Variants in PRDM16 observed in about 807,000 individuals in gnomAD.
The protein encoded by PRDM16 is PR/SET domain 16.
PRDM16 carries 23 observed loss-of-function variants against 110.6 expected under a neutral mutation model. The ratio of observed to expected loss-of-function variants is 0.21; its 90% confidence interval spans 0.15 to 0.29. PRDM16 has a LOEUF of 0.29. Among genes scored for constraint, PRDM16 ranks in the 10% least tolerant of loss-of-function variants. The probability of loss-of-function intolerance (pLI) is 1.00; values close to 1 mark genes in which losing one functional copy is unlikely to be tolerated. For synonymous variants in PRDM16, 799 were observed against 781.8 expected (o/e 1.02, Z -0.37); for missense variants, 1,615 against 1,794.3 (o/e 0.90, Z 1.81).
At chr1:3,380,998 A>T (rs1025294026) in intron 3 of PRDM16, among the ~76,000 whole-genome samples, 4 of 152,166 alleles carry the variant, frequency 2.6e-5, no homozygotes, top group African/African-American at 9.7e-5. Context: ...GTGAGGTTGG[A>T]TGGAAGGGGC....
chr1:3,180,024 C>G (rs942921133), intron 1 of PRDM16, among the ~76,000 whole-genome samples: 5 of 152,052 alleles, frequency 3.3e-5, no homozygotes, highest in Non-Finnish European at 7.4e-5. Context: ...ACTTTCCTGT[C>G]CCTTCCGTCT....
intron 1 of PRDM16, among the ~76,000 whole-genome samples, chr1:3,154,646 G>C (rs1176999129): frequency 6.6e-6 from 1 of 152,070 alleles, no homozygotes; most frequent in African/African-American, 2.4e-5. Flanking sequence ...CCAGCTTCAC[G>C]CAGTCGGCCG....
chr1:3,250,951 G>A (rs1336215003), intron 3 of PRDM16, among the ~76,000 whole-genome samples: 1 of 152,232 alleles, frequency 6.6e-6, no homozygotes, highest in African/African-American at 2.4e-5. Flanking sequence ...CCATCTCGGG[G>A]TCCCTGGCTC....
intron 3 of PRDM16, among the ~76,000 whole-genome samples, chr1:3,343,763 C>G (rs1642313940): frequency 6.6e-6 from 1 of 152,086 alleles, no homozygotes; most frequent in Admixed American, 6.5e-5. Context: ...GCCTCAGCCT[C>G]CCAAGTAGCT....
intron 1 of PRDM16, among the ~76,000 whole-genome samples, chr1:3,092,488 A>C (rs1642300637): frequency 1.5e-5 from 2 of 131,876 alleles, no homozygotes. Context: ...GACCATGGAC[A>C]TGCTGGGAGC....
chr1:3,192,805 C>G (rs1638346907), intron 2 of PRDM16, among the ~76,000 whole-genome samples: 2 of 152,210 alleles, frequency 1.3e-5, no homozygotes, highest in South Asian at 4.1e-4. Context: ...CAGAGACAGA[C>G]ACACCCGGCT....
intron 2 of PRDM16, among the ~76,000 whole-genome samples, chr1:3,238,924 TAC>T (rs891512907): frequency 3.9e-5 from 6 of 152,236 alleles, no homozygotes; most frequent in African/African-American, 1.4e-4. Flanking sequence ...GTTTCCCGTC[TAC>T]ACAGCAGGGG....
chr1:3,420,135 T>C (rs1288405989), intron 12 of PRDM16, among the ~76,000 whole-genome samples: 1 of 152,202 alleles, frequency 6.6e-6, no homozygotes, highest in East Asian at 1.9e-4. Context: ...TTTCTTTTGC[T>C]CTCTCCAATC....
At chr1:3,217,559 G>C (rs373543301) in intron 2 of PRDM16, among the ~76,000 whole-genome samples, 9 of 152,168 alleles carry the variant, frequency 5.9e-5, no homozygotes, top group Non-Finnish European at 1.3e-4. Context: ...GGCCTCTGTC[G>C]AGCTTGGCAG....
intron 2 of PRDM16, among the ~76,000 whole-genome samples, chr1:3,227,300 T>C (rs977351455): frequency 4.6e-5 from 7 of 152,230 alleles, no homozygotes; most frequent in African/African-American, 9.6e-5. Context: ...GTTATTTCTA[T>C]TATTTATGAA....
Position 3,386,503 on chromosome 1 carries a change from G to A in PRDM16, c.573+1217G>A, listed in dbSNP as rs866564305. On this transcript the variant is annotated intron_variant, in intron 4 of 16. Transcript: ENST00000270722. Reference sequence around the variant, plus strand: ...AGCAGTTGCTCCGCTGGACAAGCTCGTTCTGGATGGGGACATGAATCTACG... The same window carrying A: ...AGCAGTTGCTCCGCTGGACAAGCTCATTCTGGATGGGGACATGAATCTACG... Among the ~76,000 whole-genome samples the A allele has an allele frequency of 3.0e-4, 45 of 152,332 alleles. No homozygotes were observed. The Middle Eastern group carries it at 0.014, about 46-fold the overall frequency.
At chr1:3,242,841 AGTTTCAATCTTG>A (rs1639705927) in intron 2 of PRDM16, among the ~76,000 whole-genome samples, 1 of 152,206 alleles carries the variant, frequency 6.6e-6, no homozygotes, top group Non-Finnish European at 1.5e-5. Flanking sequence ...TTCAAGTATC[AGTTTCAATCTTG>A]GTTTCTATTC....
At chr1:3,156,545 C>T (rs960956517) in intron 1 of PRDM16, among the ~76,000 whole-genome samples, 1 of 152,150 alleles carries the variant, frequency 6.6e-6, no homozygotes, top group Non-Finnish European at 1.5e-5. Flanking sequence ...TGCTGTCACC[C>T]CTCCTCCTGG....
chr1:3,203,841 C>CGG (rs201650269), intron 2 of PRDM16, among the ~76,000 whole-genome samples: 1 of 151,748 alleles, frequency 6.6e-6, no homozygotes, highest in African/African-American at 2.4e-5. Context: ...CAGGTGAATT[C>CGG]GGGGGGGGCA....
intron 4 of PRDM16, 130 bp from the exon 5 acceptor site, chr1:3,396,361 G>A (rs1404272749): frequency 4.2e-6 from 3 of 710,898 alleles, no homozygotes; most frequent in African/African-American, 1.7e-5. Flanking sequence ...GGACCCTCTT[G>A]GTGGCAATTA....
At chr1:3,407,259 A>T (rs1357974316) in intron 8 of PRDM16, among the ~76,000 whole-genome samples, 4 of 152,012 alleles carry the variant, frequency 2.6e-5, no homozygotes, top group African/African-American at 9.7e-5. Flanking sequence ...CCCACCTCCC[A>T]AGCCCCAGCG....
At chr1:3,345,496 G>A (rs1642342958) in intron 3 of PRDM16, among the ~76,000 whole-genome samples, 1 of 152,308 alleles carries the variant, frequency 6.6e-6, no homozygotes, top group Non-Finnish European at 1.5e-5. Context: ...GGCTAGCACG[G>A]CAGCATCCAT....
chr1:3,384,797 A>G (rs1417460338), intron 3 of PRDM16, among the ~76,000 whole-genome samples: 1 of 152,208 alleles, frequency 6.6e-6, no homozygotes, highest in East Asian at 1.9e-4. Flanking sequence ...CTCTGCTCCC[A>G]GATGCAGCAG....
chr1:3,182,288 C>G (rs763455277), intron 1 of PRDM16, among the ~76,000 whole-genome samples: 4 of 152,232 alleles, frequency 2.6e-5, no homozygotes, highest in Non-Finnish European at 5.9e-5. Flanking sequence ...GCTCGGGCTG[C>G]GGGGAAGGGG....
Sources: allele counts gnomAD v4.1 joint callset (sites outside exome capture counted in the v4.1 genomes callset), GRCh38; gene constraint gnomAD v4.1.1; transcripts MANE v1.5; gene names NCBI Gene and HGNC (gene_info 2026-07-23, HGNC 2026-07-21).